Variants in CNIH3 observed in about 807,000 individuals in gnomAD.
CNIH3 encodes the protein protein cornichon homolog 3.
In CNIH3, 14 loss-of-function variants were observed where a neutral mutation model predicts 24.1. That is an observed-to-expected ratio of 0.58 (90% CI 0.38 to 0.91). CNIH3 has a LOEUF of 0.91. CNIH3 is among the 40% of genes least tolerant of loss of function. The pLI is 0.00. For synonymous variants in CNIH3, 68 were observed against 73.8 expected (o/e 0.92, Z 0.40); for missense variants, 178 against 196.8 (o/e 0.90, Z 0.57).
intron 3 of CNIH3, among the ~76,000 whole-genome samples, chr1:224,700,719 G>A (rs1465766): frequency 0.25 from 38,711 of 151,968 alleles, 5,212 homozygotes; most frequent in East Asian, 0.37. Context: ...GAAGGGACTG[G>A]GTCCTGCCTC....
downstream of CNIH3, among the ~76,000 whole-genome samples, chr1:224,589,725 G>T (rs1057014684): frequency 2.0e-5 from 3 of 152,202 alleles, no homozygotes; most frequent in Non-Finnish European, 4.4e-5. Flanking sequence ...TGCTCTTTGG[G>T]TGGCTCTGTA....
At chr1:224,618,932 C>T (rs1683157889) in intron 1 of CNIH3, among the ~76,000 whole-genome samples, 1 of 152,212 alleles carries the variant, frequency 6.6e-6, no homozygotes, top group Non-Finnish European at 1.5e-5. Context: ...GAAAGGAATA[C>T]AGATTAGATC....
intron 3 of CNIH3, among the ~76,000 whole-genome samples, chr1:224,723,964 C>T (rs1688882938): frequency 6.6e-6 from 1 of 152,090 alleles, no homozygotes. Flanking sequence ...GCCGCTAATC[C>T]CCACAATTTG....
chr1:224,493,388 G>A (rs931939923), intron 1 of CNIH3, among the ~76,000 whole-genome samples: 4 of 152,212 alleles, frequency 2.6e-5, no homozygotes, highest in Non-Finnish European at 5.9e-5. Flanking sequence ...GTTTGTGTGT[G>A]TGTGTTAATA....
At chr1:224,517,991 C>A (rs1361365238) in intron 1 of CNIH3, among the ~76,000 whole-genome samples, 2 of 152,074 alleles carry the variant, frequency 1.3e-5, no homozygotes, top group Non-Finnish European at 2.9e-5. Context: ...ACCGAGCGAT[C>A]CTTTAGCAAG....
At chr1:224,702,015 T>A (rs1687518679) in intron 3 of CNIH3, among the ~76,000 whole-genome samples, 1 of 152,174 alleles carries the variant, frequency 6.6e-6, no homozygotes, top group Non-Finnish European at 1.5e-5. Flanking sequence ...TGGGTTTGTA[T>A]CCTCCCGTCA....
chr1:224,684,358 T>C lies in CNIH3; in HGVS notation c.151-438T>C, dbSNP rs1351243605. On this transcript the variant is annotated intron_variant, in intron 2 of 5. Coordinates refer to ENST00000272133, the MANE Select transcript of CNIH3 (RefSeq NM_152495.2). The surrounding 1 kb of genome is among the most constrained non-coding windows in gnomAD (Gnocchi z 4.2). ...CCAGCAGGCAGAGAACTTGTCTACC[T>C]TAGATACTAATGAGGGCACATACGC... 6.6e-6 allele frequency among the ~76,000 whole-genome samples: 1 copy of C among 152,186 alleles called. No individual in the cohort carries two copies. The highest frequency in any genetic ancestry group is 1.5e-5 in the Non-Finnish European group (1 of 68,028).
chr1:224,474,836 A>C (rs949079544), intron 1 of CNIH3, among the ~76,000 whole-genome samples: 6 of 150,920 alleles, frequency 4.0e-5, no homozygotes, highest in African/African-American at 1.5e-4. Context: ...GACCATCCTG[A>C]CTAACACGGT....
intron 1 of CNIH3, among the ~76,000 whole-genome samples, chr1:224,636,114 G>A (rs1417630120): frequency 6.6e-6 from 1 of 152,220 alleles, no homozygotes; most frequent in Non-Finnish European, 1.5e-5. Context: ...GGCTTAACCA[G>A]GAGCAGCTGT....
In CNIH3 at chr1:224,620,621, CA is replaced by C. The variant is rs1186946098; in HGVS notation, c.81+3370del. ...TATAAAATGATACAGGTTCCTTGTC[CA>C]AAATTTTGAAAATACAATGATTTGT... On this transcript the variant is annotated intron_variant, in intron 1 of 5. Coordinates refer to ENST00000272133, the MANE Select transcript of CNIH3 (RefSeq NM_152495.2). Among the ~76,000 whole-genome samples, 2 of 151,962 alleles carry C rather than the reference CA, an allele frequency of 1.3e-5. 1 individual carries two copies. Among genetic ancestry groups the C allele is most frequent in the South Asian group, 4.2e-4 (2 of 4,802 alleles).
chr1:224,535,462 T>C (rs1476164973), intron 2 of CNIH3, among the ~76,000 whole-genome samples: 1 of 152,256 alleles, frequency 6.6e-6, no homozygotes, highest in Non-Finnish European at 1.5e-5. Context: ...ACAGCATCAC[T>C]GAGAAACAAA....
At chr1:224,439,555 C>T (rs1488629275) in intron 1 of CNIH3, among the ~76,000 whole-genome samples, 2 of 150,792 alleles carry the variant, frequency 1.3e-5, no homozygotes, top group African/African-American at 4.9e-5. Flanking sequence ...AAAAAAAAAA[C>T]ATTTAACACT....
chr1:224,493,449 T>C (rs1327581261), intron 1 of CNIH3, among the ~76,000 whole-genome samples: 2 of 152,128 alleles, frequency 1.3e-5, no homozygotes, highest in South Asian at 2.1e-4. Flanking sequence ...AGTGTGCTTC[T>C]TTAAATGTAG....
At chr1:224,528,441 C>T (rs1678930848) in intron 2 of CNIH3, among the ~76,000 whole-genome samples, 1 of 152,064 alleles carries the variant, frequency 6.6e-6, no homozygotes, top group African/African-American at 2.4e-5. Context: ...CTCCCTTAGC[C>T]ACCTGAGTAG....
At chr1:224,660,913 C>T (rs763686811) in intron 1 of CNIH3, among the ~76,000 whole-genome samples, 1 of 152,116 alleles carries the variant, frequency 6.6e-6, no homozygotes, top group Non-Finnish European at 1.5e-5. Context: ...CAAGGCTCAC[C>T]TTGGAGTATG....
intron 3 of CNIH3, among the ~76,000 whole-genome samples, chr1:224,600,953 G>A (rs540411977): frequency 4.6e-5 from 7 of 152,330 alleles, no homozygotes; most frequent in South Asian, 4.1e-4. Flanking sequence ...TACAGGCAGC[G>A]AATCCAAACA....
downstream of CNIH3, among the ~76,000 whole-genome samples, chr1:224,593,460 C>T (rs887123556): frequency 3.5e-4 from 53 of 152,164 alleles, 1 homozygote; most frequent in African/African-American, 1.2e-3. Context: ...AAGTGGCTTG[C>T]CTAAAGTCAC....
rs183549667 is a variant in CNIH3 at position 224,572,056 on chromosome 1, G to A, written n.516+5792G>A. Among the ~76,000 whole-genome samples, 358 of 152,318 alleles carry A rather than the reference G, an allele frequency of 2.4e-3. 1 individual carries two copies. In the Middle Eastern group the frequency reaches 0.027, roughly 12 times the overall value. On this transcript the variant is annotated intron_variant and non_coding_transcript_variant, in intron 4 of 5. Transcript: ENST00000471578. ...TTACCTCTAGTTGTCTTATAGGGAG[G>A]TGGTCGCCAGGAGGTGGTTGTATAA...
rs144125632 is a variant in CNIH3 at position 224,560,797 on chromosome 1, G to A, written n.451-5402G>A. Among the ~76,000 whole-genome samples the A allele has an allele frequency of 9.9e-5, 15 of 152,208 alleles. No individual in the cohort carries two copies. In the East Asian group the frequency reaches 2.7e-3, roughly 27 times the overall value. The stretch of plus-strand genomic sequence containing the variant: ...ATTACAATGTAATAATAGAAATAAA[G>A]TGCACAATAAGAGTAATGCACTTGA... On this transcript the variant is annotated intron_variant and non_coding_transcript_variant, in intron 3 of 5. Coordinates refer to the CNIH3 transcript ENST00000471578.
Sources: gnomAD v4.1 joint callset for allele counts (sites outside exome capture counted in the v4.1 genomes callset) on GRCh38, gnomAD v4.1.1 for gene constraint, Gnocchi (gnomAD v3.1) non-coding constraint, MANE v1.5 for transcripts, NCBI Gene and HGNC (gene_info 2026-07-23, HGNC 2026-07-21) for gene names.